SH3YL1: variants seen among roughly 807,000 people sequenced by gnomAD.
SH3YL1 encodes SH3 domain-containing YSC84-like protein 1.
A neutral mutation model predicts 45.8 loss-of-function variants in SH3YL1; 41 were observed. The observed-to-expected ratio is 0.89, with a 90% CI of 0.70 to 1.16. The LOEUF is 1.16. SH3YL1 is among the 50% of genes most tolerant of loss of function. The pLI is 0.00. For missense variants in SH3YL1, 389 were observed against 409.6 expected (o/e 0.95, Z 0.43); for synonymous variants, 152 against 151.4 (o/e 1.00, Z -0.03).
At chr2:241,090 G>T (rs954311010) in intron 4 of SH3YL1, 1 of 152,142 alleles carries the variant, frequency 6.6e-6, no homozygotes, top group Non-Finnish European at 1.5e-5. Flanking sequence ...ATCAGATTTA[G>T]CAGACAAAGA....
chr2:234,003 T>C (rs1421752773), intron 5 of SH3YL1, among the ~76,000 whole-genome samples, 157 bp downstream of exon 5: 3 of 152,256 alleles, frequency 2.0e-5, no homozygotes, highest in Non-Finnish European at 4.4e-5. Context: ...GGCTGTGTTT[T>C]GTGAATTTCC....
chr2:252,632 T>C (rs999030320), intron 2 of SH3YL1, among the ~76,000 whole-genome samples: 1 of 152,188 alleles, frequency 6.6e-6, no homozygotes, highest in Non-Finnish European at 1.5e-5. Flanking sequence ...AATATCATTA[T>C]TTTATCATTA....
chr2:242,529 T>C (rs1668587086), intron 4 of SH3YL1, among the ~76,000 whole-genome samples: 1 of 151,788 alleles, frequency 6.6e-6, no homozygotes, highest in African/African-American at 2.4e-5. Flanking sequence ...TAAAAAATCA[T>C]AAAAGGAATC....
At chr2:248,324 A>G (rs760388820) in intron 3 of SH3YL1, among the ~76,000 whole-genome samples, 1 of 152,138 alleles carries the variant, frequency 6.6e-6, no homozygotes, top group Non-Finnish European at 1.5e-5. Context: ...AATGGTTGCT[A>G]CCATGCATGC....
intron 5 of SH3YL1, among the ~76,000 whole-genome samples, chr2:233,857 T>C (rs1232584949): frequency 6.6e-6 from 1 of 152,204 alleles, no homozygotes; most frequent in African/African-American, 2.4e-5. Context: ...TATCATAAAA[T>C]CTGACTTGTG....
At chr2:251,386 T>A (rs1375490091) in intron 2 of SH3YL1, among the ~76,000 whole-genome samples, 1 of 152,244 alleles carries the variant, frequency 6.6e-6, no homozygotes, top group African/African-American at 2.4e-5. Flanking sequence ...GTAAACATAA[T>A]GCCCCCCACC....
At chr2:254,512 A>G (rs1021058930) in intron 1 of SH3YL1, among the ~76,000 whole-genome samples, 1 of 152,182 alleles carries the variant, frequency 6.6e-6, no homozygotes, top group Non-Finnish European at 1.5e-5. Flanking sequence ...AGGATCTGGA[A>G]GGTTGAAGGC....
intron 4 of SH3YL1, among the ~76,000 whole-genome samples, chr2:242,343 CAT>C (rs1273513083): frequency 6.6e-6 from 1 of 151,490 alleles, no homozygotes; most frequent in African/African-American, 2.4e-5. Context: ...GAGTGTGTAT[CAT>C]ATATAGATTT....
intron 9 of SH3YL1, among the ~76,000 whole-genome samples, chr2:223,821 G>A (rs540025664): frequency 1.3e-5 from 2 of 152,242 alleles, no homozygotes; most frequent in African/African-American, 4.8e-5. Context: ...CTCCATACAG[G>A]ACTCTAGGAG....
At chr2:223,273 G>T (rs188086158) in intron 9 of SH3YL1, among the ~76,000 whole-genome samples, 95 of 152,236 alleles carry the variant, frequency 6.2e-4, no homozygotes, top group African/African-American at 2.2e-3. Flanking sequence ...TTTTTCCTTG[G>T]TGCTGTTTAT....
intron 9 of SH3YL1, chr2:222,217 C>G (rs936621654): frequency 6.6e-6 from 1 of 152,086 alleles, no homozygotes; most frequent in South Asian, 2.1e-4. Context: ...GTTATTTTTC[C>G]CAAACAGGAA....
intron 2 of SH3YL1, among the ~76,000 whole-genome samples, chr2:251,698 C>T (rs1669079856): frequency 6.6e-6 from 1 of 152,126 alleles, no homozygotes; most frequent in Admixed American, 6.5e-5. Flanking sequence ...TCACAAGCTC[C>T]CAGGGGATGC....
At chr2:260,656 C>T (rs1014798322) in intron 1 of SH3YL1, 1 of 152,242 alleles carries the variant, frequency 6.6e-6, no homozygotes, top group Non-Finnish European at 1.5e-5. Flanking sequence ...ACTGAAGTCA[C>T]AAGCCGCTCT....
chr2:248,287 G>A (rs1357635162), intron 3 of SH3YL1, among the ~76,000 whole-genome samples: 1 of 152,084 alleles, frequency 6.6e-6, no homozygotes, highest in Non-Finnish European at 1.5e-5. Flanking sequence ...TTGGTGGGGG[G>A]ATGGTCTGGC....
chr2:219,832 T>C (rs956505033), intron 9 of SH3YL1, among the ~76,000 whole-genome samples: 9 of 152,122 alleles, frequency 5.9e-5, no homozygotes, highest in African/African-American at 1.9e-4. Flanking sequence ...TGTTTACATT[T>C]CTGTGCTTAA....
intron 1 of SH3YL1, among the ~76,000 whole-genome samples, chr2:256,978 T>C (rs975225166): frequency 6.6e-6 from 1 of 152,242 alleles, no homozygotes. Flanking sequence ...AGATGACTAA[T>C]GATGTTGAAC....
At chr2:260,001 C>T (rs901115541) in intron 1 of SH3YL1, 12 of 151,664 alleles carry the variant, frequency 7.9e-5, no homozygotes, top group Non-Finnish European at 1.5e-4. Context: ...ATTTGTACAA[C>T]GTACAAATAC....
chr2:242,172 G>T (rs376584172), intron 4 of SH3YL1: 3 of 151,946 alleles, frequency 2.0e-5, no homozygotes, highest in African/African-American at 7.2e-5. Context: ...ACACCAGATG[G>T]TAACCTGAAT....
chr2:249,125 C>T (rs1317359417), intron 3 of SH3YL1, among the ~76,000 whole-genome samples: 1 of 152,196 alleles, frequency 6.6e-6, no homozygotes, highest in Non-Finnish European at 1.5e-5. Flanking sequence ...TTAGTTTTGA[C>T]ACACCTGTGT....
Sources: gnomAD v4.1 joint callset for allele counts (sites outside exome capture counted in the v4.1 genomes callset) on GRCh38, gnomAD v4.1.1 for gene constraint, MANE v1.5 for transcripts, NCBI Gene and HGNC (gene_info 2026-07-23, HGNC 2026-07-21) for gene names.